Variants in C2CD3 observed in about 807,000 individuals in gnomAD.
C2CD3 encodes C2 domain containing 3 centriole elongation regulator.
A neutral mutation model predicts 234.0 loss-of-function variants in C2CD3; 148 were observed. That is an observed-to-expected ratio of 0.63 (90% CI 0.55 to 0.72). C2CD3 has a LOEUF of 0.72. Among genes scored for constraint, C2CD3 ranks in the 30% least tolerant of loss-of-function variants. The pLI is 0.00. For missense variants in C2CD3, 2,577 were observed against 2,811.5 expected (o/e 0.92, Z 1.89); for synonymous variants, 1,000 against 1,035.4 (o/e 0.97, Z 0.66).
chr11:74,043,820 G>T (rs1953206905), intron 28 of C2CD3, among the ~76,000 whole-genome samples: 1 of 151,894 alleles, frequency 6.6e-6, no homozygotes, highest in East Asian at 1.9e-4. Flanking sequence ...TTATTGAGTT[G>T]TAAGAGTTCT....
At chr11:74,158,992 C>T (rs1274002859) in intron 3 of C2CD3, among the ~76,000 whole-genome samples, 2 of 152,134 alleles carry the variant, frequency 1.3e-5, no homozygotes, top group South Asian at 2.1e-4. Context: ...CCAGGAATCT[C>T]ACTACTTGCT....
At chr11:74,169,711 C>T (rs1165134238) in intron 1 of C2CD3, among the ~76,000 whole-genome samples, 2 of 152,124 alleles carry the variant, frequency 1.3e-5, no homozygotes, top group East Asian at 1.9e-4. Flanking sequence ...TTTGACTTTC[C>T]GATTATCAAC....
rs539439966 is a variant in C2CD3 at position 74,106,362 on chromosome 11, T to G, written c.2085+9A>C. The G allele has an allele frequency of 6.2e-7, 1 of 1,613,596 alleles. No homozygotes were observed. Among genetic ancestry groups the G allele is most frequent in the South Asian group, 1.1e-5 (1 of 90,960 alleles). Reference sequence around the variant, plus strand: ...ATACTTCTGACTTCCTGAATGTATATCTACATACCTTGAGGGGGCCAAATG... The same window carrying G: ...ATACTTCTGACTTCCTGAATGTATAGCTACATACCTTGAGGGGGCCAAATG... On this transcript the variant is annotated intron_variant, in intron 13 of 32. Transcript: ENST00000334126.
intron 24 of C2CD3, among the ~76,000 whole-genome samples, chr11:74,072,295 T>C (rs1320530469): frequency 6.6e-6 from 1 of 152,210 alleles, no homozygotes; most frequent in African/African-American, 2.4e-5. Context: ...TGGAAGCTTA[T>C]AATCCCAGGA....
intron 26 of C2CD3, 44 bp downstream of exon 26, chr11:74,054,563 T>C (rs753980182): frequency 1.8e-6 from 2 of 1,098,672 alleles, no homozygotes. Context: ...GGATGTGAGC[T>C]TATTTTTACA....
At position 74,057,508 on chromosome 11, in the gene C2CD3, C is replaced by A; in HGVS notation, c.4988G>T (p.Ser1663Ile). ...PLTERKVSIPSCCVSFATADE... is the reference protein window; with the variant it reads ...PLTERKVSIPICCVSFATADE... ...GGCTGTTGCAAAGGATACACAACAA[C>A]TGGGTATCGATACTTTCCGCTCTGT... The change falls in exon 25 of 33, where the codon AGT becomes ATT. Residue 1663 changes from serine (S) to isoleucine (I), a missense_variant. Coordinates refer to ENST00000334126, the MANE Select transcript of C2CD3 (RefSeq NM_001286577.2). 3 of 1,613,918 alleles carry A rather than the reference C, an allele frequency of 1.9e-6. No homozygotes were observed. Among genetic ancestry groups the A allele is most frequent in the Non-Finnish European group, 2.5e-6 (3 of 1,179,858 alleles).
intron 26 of C2CD3, among the ~76,000 whole-genome samples, chr11:74,050,296 G>A (rs1484846070): frequency 6.6e-6 from 1 of 152,098 alleles, no homozygotes; most frequent in African/African-American, 2.4e-5. Flanking sequence ...AATTAAAAAG[G>A]AAAAACAACT....
At chr11:74,123,160 G>A (rs780434098) in intron 7 of C2CD3, 25 bp from the exon 8 acceptor site, 21 of 1,589,014 alleles carry the variant, frequency 1.3e-5, no homozygotes, top group Non-Finnish European at 1.8e-5. Context: ...AAACAAAGCA[G>A]AAGAATTTTA....
At position 74,077,163 on chromosome 11, in the gene C2CD3, C is replaced by T. The variant is rs1336130300; in HGVS notation, c.4603+952G>A. Among the ~76,000 whole-genome samples, 6 of 152,006 alleles carry T rather than the reference C, an allele frequency of 3.9e-5. No individual in the cohort carries two copies. In the South Asian group the frequency reaches 1.0e-3, roughly 26 times the overall value. ...ATGTGGTGACCAGAGAGGAAGAATA[C>T]CCTGGTCCCCTCAGTAGGTATGCTT... On this transcript the variant is annotated intron_variant, in intron 23 of 32. Transcript: ENST00000334126.
rs527782438 is a variant in C2CD3 at position 74,168,380 on chromosome 11, G to A, written c.289C>T (p.Arg97Cys). Residue 97 changes from arginine to cysteine, a missense_variant, in exon 2 of 33, where the codon CGT (arginine) becomes TGT (cysteine). Arg to Cys is a radical substitution (Grantham distance 180, BLOSUM62 -3). Transcript: ENST00000334126. ...GAGGTAAACTGTTTTGGACCACAAC[G>A]AATAGCGTAACGTGTAGTTGTTCTC... Reference protein sequence around the residue: ...AVRTTTRYAIRCGPKQFTSYL... With the variant: ...AVRTTTRYAICCGPKQFTSYL... 2.0e-5 allele frequency: 33 copies of A among 1,613,858 alleles called. No individual in the cohort carries two copies. The highest frequency in any genetic ancestry group is 2.0e-4 in the African/African-American group (15 of 75,036).
Position 74,170,877 on chromosome 11 carries a change from T to A in C2CD3, c.-85A>T, listed in dbSNP as rs573789396. The A allele has an allele frequency of 2.5e-5, 37 of 1,464,416 alleles. No homozygotes were observed. The highest frequency in any genetic ancestry group is 3.3e-5 in the Non-Finnish European group (36 of 1,089,810). The allele number at this position is 1,464,416 out of a possible 1,614,324, so 90.7% of individuals were successfully genotyped here. A position where few individuals can be genotyped will look rare whatever the true frequency, so the allele number is the denominator to read the frequency against. ...TCCCGCCATCCCTCCCCACGGCGCC[T>A]GCGTTCCCCGGCAACCGGCGCCGCT... On this transcript the variant is annotated 5_prime_UTR_variant, in exon 1 of 33. Transcript: ENST00000334126.
chr11:74,115,519 G>A (rs1956896265), intron 9 of C2CD3, among the ~76,000 whole-genome samples: 1 of 150,016 alleles, frequency 6.7e-6, no homozygotes, highest in African/African-American at 2.4e-5. Flanking sequence ...TATCTTGGTA[G>A]AATCAAAAAT....
At chr11:74,074,873 G>A (rs1032482730) in intron 23 of C2CD3, among the ~76,000 whole-genome samples, 2 of 152,118 alleles carry the variant, frequency 1.3e-5, no homozygotes, top group Non-Finnish European at 2.9e-5. Context: ...AATTGCTTGA[G>A]TCCAGGAGTT....
chr11:74,077,803 A>T (rs868794706), intron 23 of C2CD3, among the ~76,000 whole-genome samples: 1 of 15,780 alleles, frequency 6.3e-5, no homozygotes, highest in Non-Finnish European at 1.2e-4. Flanking sequence ...ATATATATAT[A>T]TATATATATA....
At chr11:74,093,718 C>T (rs898443722) in intron 18 of C2CD3, 98 bp downstream of exon 18, 2 of 895,760 alleles carry the variant, frequency 2.2e-6, no homozygotes, top group African/African-American at 3.4e-5. Context: ...GGCTGCTTAG[C>T]TTCCTTACAA....
chr11:74,091,654 C>G (rs1179507809), intron 19 of C2CD3, among the ~76,000 whole-genome samples: 1 of 152,178 alleles, frequency 6.6e-6, no homozygotes, highest in East Asian at 1.9e-4. Flanking sequence ...TAAACCCTAG[C>G]CTTCTCCTCC....
chr11:74,067,344 T>C (rs1023787243), intron 24 of C2CD3, among the ~76,000 whole-genome samples: 3 of 151,742 alleles, frequency 2.0e-5, no homozygotes, highest in Non-Finnish European at 4.4e-5. Context: ...AAGCAGGACC[T>C]GGAAAAAGGC....
intron 8 of C2CD3, among the ~76,000 whole-genome samples, chr11:74,118,649 A>C (rs1461645334): frequency 2.0e-5 from 3 of 152,214 alleles, no homozygotes; most frequent in Admixed American, 6.5e-5. Flanking sequence ...ACTATTATTT[A>C]TTGACTATAG....
rs530455552 is a variant in C2CD3 at position 74,165,205 on chromosome 11, T to C, written c.325+3139A>G. 4.6e-5 allele frequency among the ~76,000 whole-genome samples: 7 copies of C among 152,336 alleles called. No individual in the cohort carries two copies. In the South Asian group the frequency reaches 1.5e-3, roughly 32 times the overall value. On this transcript the variant is annotated intron_variant, in intron 2 of 32. Transcript: ENST00000334126. Reference sequence around the variant, plus strand: ...TTCCTCTTCTTTTTTTATATGTTATTTTTATCTGAGGAACTCATATAATCG... The same window carrying C: ...TTCCTCTTCTTTTTTTATATGTTATCTTTATCTGAGGAACTCATATAATCG...
Sources: allele counts gnomAD v4.1 joint callset (sites outside exome capture counted in the v4.1 genomes callset), GRCh38; gene constraint gnomAD v4.1.1; transcripts MANE v1.5; gene names NCBI Gene and HGNC (gene_info 2026-07-23, HGNC 2026-07-21).